Variants in VRK3 observed in about 807,000 individuals in gnomAD.
VRK3 encodes the protein serine/threonine-protein kinase VRK3.
VRK3 carries 50 observed loss-of-function variants against 60.4 expected under a neutral mutation model. The observed-to-expected ratio is 0.83, with a 90% CI of 0.66 to 1.05. The LOEUF (loss-of-function observed/expected upper bound fraction) is 1.05. VRK3 is among the 50% of genes least tolerant of loss of function. The pLI, the probability that VRK3 is intolerant of heterozygous loss-of-function variation, is 0.00. For missense variants in VRK3, 549 were observed against 585.3 expected, an observed-to-expected ratio of 0.94 and a Z score of 0.64; for synonymous variants, 246 against 227.8, an observed-to-expected ratio of 1.08 and a Z score of -0.72.
intron 4 of VRK3, 134 bp from the exon 5 acceptor site, chr19:50,007,960 GAGTC>G: frequency 3.8e-6 from 5 of 1,301,954 alleles, no homozygotes; most frequent in Non-Finnish European, 5.2e-6. Flanking sequence ...GACCTTCTAT[GAGTC>G]AGGCCTTTGT....
intron 13 of VRK3, 145 bp downstream of exon 13, chr19:49,980,810 T>G (rs2076409365): frequency 1.5e-6 from 1 of 659,118 alleles, no homozygotes; most frequent in Admixed American, 3.2e-5. Flanking sequence ...GACGATTTTG[T>G]CTTTCTACAA....
chr19:49,991,379 CT>C (rs1218426252), intron 10 of VRK3, among the ~76,000 whole-genome samples: 2 of 152,160 alleles, frequency 1.3e-5, no homozygotes, highest in Non-Finnish European at 2.9e-5. Flanking sequence ...AACAACCCCT[CT>C]TCTTGGGTCT....
chr19:50,013,394 T>C (rs1212594619), intron 3 of VRK3, among the ~76,000 whole-genome samples: 4 of 152,160 alleles, frequency 2.6e-5, no homozygotes, highest in Admixed American at 1.3e-4. Flanking sequence ...TGTCCCCTTT[T>C]AGTAAGAAAA....
At chr19:49,997,601 T>C (rs1224041216) in intron 6 of VRK3, 31 bp from the exon 7 acceptor site, 1 of 1,612,648 alleles carries the variant, frequency 6.2e-7, no homozygotes, top group Non-Finnish European at 8.5e-7. Flanking sequence ...CAGAAGGCTG[T>C]CACACTGAAG....
chr19:49,992,739 T>G, intron 10 of VRK3, 121 bp downstream of exon 10: 1 of 867,398 alleles, frequency 1.2e-6, no homozygotes, highest in East Asian at 2.5e-5. Flanking sequence ...AAGGAGCTCT[T>G]TATATATGAT....
At chr19:50,015,904 G>A (rs2077068192) in intron 3 of VRK3, 120 bp downstream of exon 3, 1 of 1,401,070 alleles carries the variant, frequency 7.1e-7, no homozygotes, top group African/African-American at 1.4e-5. Flanking sequence ...CCTGAGGCCT[G>A]GGCTTCTCCA....
intron 2 of VRK3, among the ~76,000 whole-genome samples, chr19:50,018,367 CCTGT>C (rs1419497344): frequency 3.3e-5 from 5 of 152,156 alleles, no homozygotes; most frequent in Non-Finnish European, 7.4e-5. Flanking sequence ...GCTCCTCAGG[CCTGT>C]CTATTTCCTC....
chr19:49,983,583 T>A (rs981270451), intron 12 of VRK3, among the ~76,000 whole-genome samples: 1 of 152,192 alleles, frequency 6.6e-6, no homozygotes, highest in Non-Finnish European at 1.5e-5. Flanking sequence ...TAACAGCGGG[T>A]CCAAAGCTGG....
chr19:50,001,937 C>G (rs939279645), intron 5 of VRK3, among the ~76,000 whole-genome samples: 4 of 152,116 alleles, frequency 2.6e-5, no homozygotes, highest in Admixed American at 6.5e-5. Context: ...TCTGCATCCC[C>G]CTTCACGCAC....
rs1419276746 is a variant in VRK3 at position 50,010,609 on chromosome 19, T to C, written c.140-1224A>G. Among the ~76,000 whole-genome samples the C allele has an allele frequency of 2.6e-5, 4 of 152,328 alleles. No homozygotes were observed. In the East Asian group the frequency reaches 7.7e-4, roughly 29 times the overall value. On this transcript the variant is annotated intron_variant, in intron 3 of 14. Transcript: ENST00000316763. ...CCCAAACTGGTGAGAACGTGAATTCTTGGTTAGGAACTCTCCAAGAAGGCT... is the reference window on the plus strand; with the variant it reads ...CCCAAACTGGTGAGAACGTGAATTCCTGGTTAGGAACTCTCCAAGAAGGCT...
chr19:50,016,312 C>T, intron 2 of VRK3, 149 bp from the exon 3 acceptor site: 1 of 1,044,250 alleles, frequency 9.6e-7, no homozygotes, highest in South Asian at 1.5e-5. Flanking sequence ...TTAAAACATG[C>T]AATGGGAATG....
At chr19:49,987,776 C>T (rs1158268004) in intron 12 of VRK3, 1 of 147,026 alleles carries the variant, frequency 6.8e-6, no homozygotes, top group Non-Finnish European at 1.5e-5. Context: ...AATCTTGGCT[C>T]ACTGCAAGCT....
intron 5 of VRK3, among the ~76,000 whole-genome samples, chr19:50,002,690 T>C (rs947992395): frequency 3.3e-5 from 5 of 152,120 alleles, no homozygotes; most frequent in Admixed American, 2.0e-4. Flanking sequence ...ATTTTCATTG[T>C]AGAGGGAGCC....
Position 49,989,508 on chromosome 19 carries a change from C to T in VRK3, c.1096+131G>A. 7 of 1,287,242 alleles carry T rather than the reference C, an allele frequency of 5.4e-6. No homozygotes were observed. In the South Asian group the frequency reaches 1.0e-4, roughly 19 times the overall value. 79.7% of individuals were successfully genotyped at this position (1,287,242 alleles called of 1,614,324 possible). On this transcript the variant is annotated intron_variant, in intron 11 of 14. Transcript: ENST00000316763. ...TGCGGTCGGGACGCTGTCTGTGGTT[C>T]CAATCCCTGTCCTGGCGCCCTTAGT...
rs535543393 is a variant in VRK3 at position 50,008,050 on chromosome 19, C to G, written c.290-224G>C. On this transcript the variant is annotated intron_variant, in intron 4 of 14. Coordinates refer to ENST00000316763, the MANE Select transcript of VRK3 (RefSeq NM_016440.4). ...GGAGTGCCCAGTTTGGTGGGCAAGT[C>G]TGCTCTAGACACAGCTAGTCAGATG... 5.9e-5 allele frequency among the ~76,000 whole-genome samples: 9 copies of G among 152,286 alleles called. No homozygotes were observed. In the East Asian group the frequency reaches 1.7e-3, roughly 29 times the overall value.
chr19:50,016,064 C>T lies in VRK3; in HGVS notation c.99G>A (p.Gly33=), dbSNP rs2077071504. The change falls in exon 3 of 15, where the codon GGG becomes GGA. Residue 33 remains glycine, a synonymous_variant. Coordinates refer to ENST00000316763, the MANE Select transcript of VRK3 (RefSeq NM_016440.4). ...CATGTGGATTGACAAAGGTCTGGGACCCTACATGCTCCTCTACAGGCAAAG... is the reference window on the plus strand; with the variant it reads ...CATGTGGATTGACAAAGGTCTGGGATCCTACATGCTCCTCTACAGGCAAAG... ...GNSLPVEEHV[G]SQTFVNPHVS... The T allele has an allele frequency of 3.7e-6, 6 of 1,614,078 alleles. No homozygotes were observed. The highest frequency in any genetic ancestry group is 1.3e-5 in the African/African-American group (1 of 74,920).
intron 14 of VRK3, among the ~76,000 whole-genome samples, chr19:49,977,932 C>T (rs904057547): frequency 6.6e-6 from 1 of 152,280 alleles, no homozygotes; most frequent in South Asian, 2.1e-4. Flanking sequence ...TTGACACACA[C>T]GTGTCAGCTC....
intron 5 of VRK3, among the ~76,000 whole-genome samples, chr19:50,003,453 G>C (rs532460660): frequency 6.6e-6 from 1 of 152,216 alleles, no homozygotes; most frequent in South Asian, 2.1e-4. Flanking sequence ...TGCTGCTCAC[G>C]GGCAGCTCTC....
intron 6 of VRK3, chr19:49,999,957 A>T (rs1034040152): frequency 6.6e-6 from 1 of 152,224 alleles, no homozygotes; most frequent in African/African-American, 2.4e-5. Context: ...GTGCTTATGA[A>T]ACACAGCCCG....
Sources: gnomAD v4.1 joint callset for allele counts (sites outside exome capture counted in the v4.1 genomes callset) on GRCh38, gnomAD v4.1.1 for gene constraint, MANE v1.5 for transcripts, NCBI Gene and HGNC (gene_info 2026-07-23, HGNC 2026-07-21) for gene names.